NCOA3: variants seen among roughly 807,000 people sequenced by gnomAD.
NCOA3 encodes nuclear receptor coactivator 3, also known as CBP-interacting protein.
NCOA3 carries 51 observed loss-of-function variants against 158.8 expected under a neutral mutation model. That is an observed-to-expected ratio of 0.32 (90% confidence interval 0.26 to 0.41). NCOA3 has a LOEUF of 0.41. Ranked by LOEUF, NCOA3 falls within the 10% of genes least tolerant of loss-of-function variation. The probability of loss-of-function intolerance (pLI) is 1.00; values close to 1 mark genes in which losing one functional copy is unlikely to be tolerated. For missense variants in NCOA3, 1,510 were observed against 1,746.6 expected (o/e 0.86, Z 2.41); for synonymous variants, 537 against 592.4 (o/e 0.91, Z 1.36).
intron 1 of NCOA3, among the ~76,000 whole-genome samples, chr20:47,541,558 T>G (rs1182548415): frequency 6.7e-6 from 1 of 148,320 alleles, no homozygotes; most frequent in Non-Finnish European, 1.5e-5. Flanking sequence ...TTTAAATTTT[T>G]TTGTAGAGAT....
intron 1 of NCOA3, among the ~76,000 whole-genome samples, chr20:47,541,926 G>A (rs1214892703): frequency 6.7e-6 from 1 of 149,826 alleles, no homozygotes; most frequent in African/African-American, 2.5e-5. Context: ...TGGTTTTTAT[G>A]CGACCTAAGT....
chr20:47,561,187 C>T (rs999317492), intron 1 of NCOA3, among the ~76,000 whole-genome samples: 1 of 150,910 alleles, frequency 6.6e-6, no homozygotes, highest in African/African-American at 2.4e-5. Flanking sequence ...GTTGCCCAAG[C>T]TGGTCTCGAA....
At chr20:47,603,361 G>A (rs1231579487) in intron 2 of NCOA3, among the ~76,000 whole-genome samples, 1 of 152,266 alleles carries the variant, frequency 6.6e-6, no homozygotes, top group Non-Finnish European at 1.5e-5. Flanking sequence ...TTTGGGAGGA[G>A]GAGCATGCGT....
At chr20:47,539,385 A>G (rs764433717) in intron 1 of NCOA3, among the ~76,000 whole-genome samples, 2 of 152,214 alleles carry the variant, frequency 1.3e-5, no homozygotes, top group African/African-American at 2.4e-5. Flanking sequence ...AACATAAACT[A>G]TTTGAGGACT....
At chr20:47,652,332 A>G in intron 20 of NCOA3, 74 bp from the exon 21 acceptor site, 2 of 1,401,102 alleles carry the variant, frequency 1.4e-6, no homozygotes, top group South Asian at 2.8e-5. Context: ...AAAAAACAAA[A>G]TTACTACAGA....
At chr20:47,627,521 A>G (rs777819495) in intron 6 of NCOA3, 40 bp from the exon 7 acceptor site, 1 of 1,505,074 alleles carries the variant, frequency 6.6e-7, no homozygotes, top group South Asian at 1.2e-5. Flanking sequence ...AGAATGAGTT[A>G]CCAGCTTTTT....
At chr20:47,542,204 T>A (rs940899724) in intron 1 of NCOA3, among the ~76,000 whole-genome samples, 15 of 140,094 alleles carry the variant, frequency 1.1e-4, no homozygotes, top group South Asian at 2.3e-4. Context: ...TACATTAAAA[T>A]TTTTTTTTTT....
chr20:47,558,276 T>A (rs2085043924), intron 1 of NCOA3, among the ~76,000 whole-genome samples: 1 of 144,654 alleles, frequency 6.9e-6, no homozygotes, highest in African/African-American at 2.6e-5. Context: ...GAGATGGGGT[T>A]TCTCCATGTT....
chr20:47,595,876 A>G (rs1169138369), intron 2 of NCOA3, among the ~76,000 whole-genome samples: 1 of 152,198 alleles, frequency 6.6e-6, no homozygotes, highest in Non-Finnish European at 1.5e-5. Flanking sequence ...TGTGTTTCAT[A>G]GGGCTGTCAG....
chr20:47,508,432 A>T lies in NCOA3; in HGVS notation c.-99+6413A>T, dbSNP rs192978605. ...CAAGACTGAAGAATAATGACTGACT[A>T]GTAGGCAGGAAGCCTGCAGTTGTAT... On this transcript the variant is annotated intron_variant, in intron 1 of 22. Transcript: ENST00000371998. Among the ~76,000 whole-genome samples, 506 of 152,378 alleles carry T rather than the reference A, an allele frequency of 3.3e-3. 5 individuals carry two copies. Among genetic ancestry groups the T allele is most frequent in the South Asian group, 0.033 (160 of 4,832 alleles).
intron 2 of NCOA3, 69 bp from the exon 3 acceptor site, chr20:47,622,158 CAT>C: frequency 1.3e-6 from 1 of 746,626 alleles, no homozygotes; most frequent in Non-Finnish European, 2.2e-6. Flanking sequence ...GTCATTCAGT[CAT>C]ATAACACCTT....
intron 2 of NCOA3, among the ~76,000 whole-genome samples, chr20:47,612,668 A>G (rs2086063723): frequency 6.6e-6 from 1 of 152,234 alleles, no homozygotes; most frequent in African/African-American, 2.4e-5. Flanking sequence ...AGCCAAATTC[A>G]GGTTTATGAA....
At chr20:47,602,509 G>A (rs544296913) in intron 2 of NCOA3, among the ~76,000 whole-genome samples, 18 of 152,286 alleles carry the variant, frequency 1.2e-4, no homozygotes, top group African/African-American at 4.3e-4. Context: ...ACCTTTTGTG[G>A]TTGGTATAGG....
chr20:47,651,202 G>A lies in NCOA3; in HGVS notation c.3872G>A (p.Ser1291Asn), dbSNP rs2146348845. The A allele has an allele frequency of 6.2e-7, 1 of 1,614,052 alleles. No homozygotes were observed. Among genetic ancestry groups the A allele is most frequent in the Non-Finnish European group, 8.5e-7 (1 of 1,179,972 alleles). The change falls in exon 20 of 23, where the codon AGC (serine) becomes AAC (asparagine). Residue 1291 changes from serine (S) to asparagine (N), a missense_variant. This residue lies in a region of NCOA3 where 180 missense variants were observed against 199.3 expected (regional missense o/e 0.90). Transcript: ENST00000371998. Reference protein sequence around the residue: ...SPPPNVTASPSMDGLLAGPTM... With the variant: ...SPPPNVTASPNMDGLLAGPTM... ...CCTCCTAATGTGACTGCTTCCCCCAGCATGGATGGGCTTTTGGCAGGACCC... is the reference window on the plus strand; with the variant it reads ...CCTCCTAATGTGACTGCTTCCCCCAACATGGATGGGCTTTTGGCAGGACCC...
chr20:47,652,976 GTATAGTATGGTGCACATGAA>G lies in NCOA3; in HGVS notation c.4169_4188del (p.Tyr1390TrpfsTer24). On this transcript the variant is annotated frameshift_variant, in exon 22 of 23. Transcript: ENST00000371998. LOFTEE classifies it high-confidence loss of function. ...TTGCCCACCAGGGGAATCCTGCAGT[GTATAGTATGGTGCACATGAA>G]TGGCAGCAGTGGTCACATGGGACAG... is the stretch of plus-strand genomic sequence containing the variant. 1 of 1,614,230 alleles carries G rather than the reference GTATAGTATGGTGCACATGAA, an allele frequency of 6.2e-7. No homozygotes were observed. The highest frequency in any genetic ancestry group is 1.7e-5 in the Admixed American group (1 of 60,028).
intron 1 of NCOA3, among the ~76,000 whole-genome samples, chr20:47,542,191 A>G (rs908284560): frequency 5.3e-5 from 8 of 150,684 alleles, no homozygotes; most frequent in Non-Finnish European, 1.2e-4. Context: ...CCACCATGCC[A>G]GCTACATTAA....
At position 47,624,002 on chromosome 20, in the gene NCOA3, A is replaced by G. The variant is rs1240016543; in HGVS notation, c.175A>G (p.Ile59Val). The G allele has an allele frequency of 1.2e-6, 2 of 1,613,032 alleles. No individual in the cohort carries two copies. The highest frequency in any genetic ancestry group is 1.7e-6 in the Non-Finnish European group (2 of 1,179,398). The change falls in exon 4 of 23, where the codon ATT (isoleucine) becomes GTT (valine). Residue 59 changes from isoleucine (I) to valine (V), a missense_variant. Ile to Val is a conservative substitution (Grantham distance 29, BLOSUM62 3). Coordinates refer to ENST00000371998, the MANE Select transcript of NCOA3 (RefSeq NM_181659.3). The part of the protein sequence containing the change: ...AELISANLSD[I>V]DNFNVKPDKC... ...GCTGATATCTGCCAATCTTAGTGAT[A>G]TTGACAATTTCAATGTCAAACCAGA...
chr20:47,502,528 G>C (rs1478498400), intron 1 of NCOA3, among the ~76,000 whole-genome samples: 1 of 151,854 alleles, frequency 6.6e-6, no homozygotes, highest in Non-Finnish European at 1.5e-5. Context: ...CTCCTCACTT[G>C]GGCATTTAAA....
chr20:47,554,927 T>C (rs955149988), intron 1 of NCOA3, among the ~76,000 whole-genome samples: 3 of 152,134 alleles, frequency 2.0e-5, no homozygotes, highest in African/African-American at 7.2e-5. Context: ...AGAACAAAGC[T>C]GGAGGCATCA....
Sources: gnomAD v4.1 joint callset for allele counts (sites outside exome capture counted in the v4.1 genomes callset) on GRCh38, gnomAD v4.1.1 for gene constraint, gnomAD v4.1.1 regional missense constraint, MANE v1.5 for transcripts, NCBI Gene and HGNC (gene_info 2026-07-23, HGNC 2026-07-21) for gene names.